PHEX: variants seen among roughly 807,000 people sequenced by gnomAD.
PHEX encodes the protein phosphate-regulating neutral endopeptidase PHEX.
Under a neutral mutation model 68.0 loss-of-function variants are expected in PHEX, and 16 were observed. The observed-to-expected ratio is 0.24, with a 90% CI of 0.16 to 0.36. PHEX has a LOEUF of 0.36. Among genes scored for constraint, PHEX ranks in the 10% least tolerant of loss-of-function variants. The probability of loss-of-function intolerance (pLI) is 1.00; values close to 1 mark genes in which losing one functional copy is unlikely to be tolerated. For missense variants in PHEX, 480 were observed against 575.5 expected, an observed-to-expected ratio of 0.83 and a Z score of 1.70; for synonymous variants, 208 against 205.1, an observed-to-expected ratio of 1.01 and a Z score of -0.12.
chrX:22,190,968 C>T (rs1386116507), intron 15 of PHEX, among the ~76,000 whole-genome samples: 2 of 111,585 alleles, frequency 1.8e-5, no homozygotes, highest in Non-Finnish European at 3.8e-5. Flanking sequence ...TTTCTACTTA[C>T]ATGTATCAGG....
chrX:22,222,084 TTGGTTCTCC>T (rs1935287340), intron 18 of PHEX, among the ~76,000 whole-genome samples: 1 of 112,307 alleles, frequency 8.9e-6, no homozygotes, highest in African/African-American at 3.2e-5. Context: ...AAACACTGAC[TTGGTTCTCC>T]TGGTTCTTAA....
intron 12 of PHEX, among the ~76,000 whole-genome samples, chrX:22,140,469 CTTTAT>C (rs1411126920): frequency 3.6e-5 from 4 of 111,402 alleles, no homozygotes; most frequent in South Asian, 7.4e-4. Context: ...TTTCTTTTTT[CTTTAT>C]TTTATTTTAT....
At chrX:22,108,680 G>A (rs892183376) in intron 9 of PHEX, among the ~76,000 whole-genome samples, 1 of 111,524 alleles carries the variant, frequency 9.0e-6, no homozygotes, top group Non-Finnish European at 1.9e-5. Context: ...GGTGGCTCAC[G>A]CCTGTAATCC....
intron 2 of PHEX, among the ~76,000 whole-genome samples, chrX:22,045,901 A>C (rs1037986392): frequency 1.8e-5 from 2 of 112,675 alleles, no homozygotes; most frequent in African/African-American, 6.4e-5. Context: ...AGAATTTGAA[A>C]GTATTTTGTA....
intron 2 of PHEX, among the ~76,000 whole-genome samples, chrX:22,038,963 T>A (rs148504669): frequency 1.1e-3 from 122 of 112,003 alleles, no homozygotes; most frequent in Non-Finnish European, 2.0e-3. Flanking sequence ...GCTTCCATTG[T>A]CAGTGGGAGT....
intron 3 of PHEX, among the ~76,000 whole-genome samples, chrX:22,052,098 C>G (rs942898232): frequency 1.8e-5 from 2 of 111,844 alleles, no homozygotes; most frequent in Admixed American, 1.9e-4. Context: ...TCATCGTAGA[C>G]CAACCACAAA....
intron 9 of PHEX, among the ~76,000 whole-genome samples, chrX:22,107,046 T>C (rs1201000754): frequency 8.9e-6 from 1 of 111,940 alleles, no homozygotes; most frequent in African/African-American, 3.2e-5. Context: ...CAGGTGACTC[T>C]ACTAGTTTGA....
intron 17 of PHEX, among the ~76,000 whole-genome samples, chrX:22,219,658 C>T (rs556132647): frequency 1.8e-5 from 2 of 111,872 alleles, no homozygotes; most frequent in South Asian, 7.6e-4. Flanking sequence ...CTAGCTCTGT[C>T]GCCAGGCTGG....
intron 2 of PHEX, among the ~76,000 whole-genome samples, chrX:22,043,203 G>T (rs1927363470): frequency 8.9e-6 from 1 of 112,372 alleles, no homozygotes; most frequent in East Asian, 2.8e-4. Flanking sequence ...TGGAATTACA[G>T]TTCCCAGATT....
chrX:22,045,625 T>G (rs1191815600), intron 2 of PHEX, among the ~76,000 whole-genome samples: 2 of 112,750 alleles, frequency 1.8e-5, no homozygotes, highest in Non-Finnish European at 3.7e-5. Flanking sequence ...AAATGGTAGA[T>G]CAGTCTATTG....
At chrX:22,118,375 A>C (rs939986045) in intron 11 of PHEX, among the ~76,000 whole-genome samples, 3 of 100,535 alleles carry the variant, frequency 3.0e-5, no homozygotes, top group Admixed American at 1.1e-4. Context: ...AGCCTCGGTG[A>C]CTCACAAGAG....
intron 6 of PHEX, among the ~76,000 whole-genome samples, chrX:22,092,922 T>C (rs1929966089): frequency 9.3e-6 from 1 of 107,466 alleles, no homozygotes; most frequent in African/African-American, 3.4e-5. Context: ...GCTAGTTTTT[T>C]TGTATTTTTA....
In PHEX at chrX:22,155,519, G is replaced by A. The variant is rs374491646; in HGVS notation, c.1405-12793G>A. Among the ~76,000 whole-genome samples, 19 of 111,905 alleles carry A rather than the reference G, an allele frequency of 1.7e-4. No homozygotes were observed. The South Asian group carries it at 6.6e-3, about 39-fold the overall frequency. ...GTTAGGGCCTTGGTATTTATTGCAGGTGTGTTTCTAAGCCCTTTCAACCTT... is the reference window on the plus strand; with the variant it reads ...GTTAGGGCCTTGGTATTTATTGCAGATGTGTTTCTAAGCCCTTTCAACCTT... On this transcript the variant is annotated intron_variant, in intron 12 of 21. Transcript: ENST00000379374.
At chrX:22,197,183 T>G (rs1327390079) in intron 15 of PHEX, among the ~76,000 whole-genome samples, 2 of 111,563 alleles carry the variant, frequency 1.8e-5, no homozygotes, top group Non-Finnish European at 3.8e-5. Flanking sequence ...AATTTCTCAC[T>G]ACCTAAAAGA....
intron 18 of PHEX, among the ~76,000 whole-genome samples, chrX:22,223,791 T>A (rs1381052706): frequency 8.9e-6 from 1 of 112,699 alleles, no homozygotes; most frequent in Non-Finnish European, 1.9e-5. Context: ...GATTAAATTT[T>A]TTAAGCAGGA....
intron 3 of PHEX, among the ~76,000 whole-genome samples, chrX:22,064,806 G>A (rs1261467458): frequency 8.9e-6 from 1 of 112,334 alleles, no homozygotes; most frequent in African/African-American, 3.2e-5. Context: ...CAGGGAGAGA[G>A]ATTTTTTTCC....
At chrX:22,162,557 AT>A (rs1216033871) in intron 12 of PHEX, among the ~76,000 whole-genome samples, 1 of 112,046 alleles carries the variant, frequency 8.9e-6, no homozygotes, top group East Asian at 2.8e-4. Context: ...ACATTTGCTC[AT>A]CATGTACTCT....
At chrX:22,100,797 C>T (rs775368799) in intron 9 of PHEX, among the ~76,000 whole-genome samples, 25 of 111,680 alleles carry the variant, frequency 2.2e-4, no homozygotes, top group Middle Eastern at 4.6e-3. Context: ...CAAATATAAA[C>T]GTAGAGAACA....
At chrX:22,049,237 C>T (rs146705910) in intron 3 of PHEX, among the ~76,000 whole-genome samples, 3 of 111,063 alleles carry the variant, frequency 2.7e-5, no homozygotes, top group African/African-American at 6.5e-5. Context: ...CTCAGCCTCC[C>T]GAGTAGCTGG....
Sources: gnomAD v4.1 joint callset for allele counts (sites outside exome capture counted in the v4.1 genomes callset) on GRCh38, gnomAD v4.1.1 for gene constraint, MANE v1.5 for transcripts, NCBI Gene and HGNC (gene_info 2026-07-23, HGNC 2026-07-21) for gene names.